The following IFT81 variants were observed in gnomAD, a reference collection of about 807,000 sequenced individuals.
IFT81 encodes the protein intraflagellar transport 81.
In IFT81, 72 loss-of-function variants were observed where a neutral mutation model predicts 102.6. The observed-to-expected ratio is 0.70, with a 90% CI of 0.58 to 0.85. The LOEUF (loss-of-function observed/expected upper bound fraction) is 0.85. Ranked by LOEUF, IFT81 falls within the 40% of genes least tolerant of loss-of-function variation. IFT81 has a pLI of 0.00. For missense variants in IFT81, 723 were observed against 787.3 expected, an observed-to-expected ratio of 0.92 and a Z score of 0.98; for synonymous variants, 237 against 242.7, an observed-to-expected ratio of 0.98 and a Z score of 0.22.
At chr12:110,127,977 C>T (rs1893944007) in intron 2 of IFT81, 69 bp from the exon 3 acceptor site, 2 of 1,077,236 alleles carry the variant, frequency 1.9e-6, no homozygotes, top group African/African-American at 1.6e-5. Flanking sequence ...ACAATTTTGT[C>T]AGTGAGTTTA....
intron 11 of IFT81, among the ~76,000 whole-genome samples, chr12:110,163,605 A>T (rs1566133622): frequency 6.7e-6 from 1 of 149,288 alleles, no homozygotes; most frequent in Non-Finnish European, 1.5e-5. Flanking sequence ...ATTATGTTCC[A>T]AATTTTCACT....
At chr12:110,178,840 C>G (rs912849784) in intron 11 of IFT81, among the ~76,000 whole-genome samples, 1 of 146,932 alleles carries the variant, frequency 6.8e-6, no homozygotes, top group African/African-American at 2.5e-5. Context: ...TGGTTTGGAA[C>G]TCCTAACCTC....
chr12:110,166,195 G>A (rs1313168214), intron 11 of IFT81, among the ~76,000 whole-genome samples: 1 of 152,216 alleles, frequency 6.6e-6, no homozygotes, highest in Non-Finnish European at 1.5e-5. Flanking sequence ...CTTAGTATTT[G>A]TATATTTTTG....
chr12:110,204,314 C>T, intron 15 of IFT81: 1 of 172,464 alleles, frequency 5.8e-6, no homozygotes, highest in Non-Finnish European at 1.3e-5. Context: ...TGCTGCCTGG[C>T]CTCCCACAGT....
chr12:110,152,263 T>C (rs1481499020), intron 10 of IFT81, among the ~76,000 whole-genome samples: 1 of 152,224 alleles, frequency 6.6e-6, no homozygotes. Flanking sequence ...TAATTTACAT[T>C]CCCATCCACA....
At chr12:110,134,061 C>T (rs1894338858) in intron 5 of IFT81, among the ~76,000 whole-genome samples, 1 of 151,940 alleles carries the variant, frequency 6.6e-6, no homozygotes, top group Non-Finnish European at 1.5e-5. Context: ...AGTGCAATGG[C>T]GCAATCTTGG....
At chr12:110,136,998 A>G (rs1894551178) in intron 8 of IFT81, 138 bp downstream of exon 8, 7 of 540,742 alleles carry the variant, frequency 1.3e-5, no homozygotes, top group African/African-American at 5.8e-5. Context: ...TCCTAGCTGG[A>G]GAAGGAGAGC....
intron 11 of IFT81, chr12:110,168,381 G>C: frequency 1.3e-5 from 3 of 231,508 alleles, no homozygotes; most frequent in Non-Finnish European, 2.1e-5. Flanking sequence ...TGGTAGATAG[G>C]GGCACTGTGC....
At chr12:110,174,176 G>T (rs1018905662) in intron 11 of IFT81, among the ~76,000 whole-genome samples, 1 of 150,856 alleles carries the variant, frequency 6.6e-6, no homozygotes, top group Admixed American at 6.6e-5. Flanking sequence ...TACTCGGGAG[G>T]CTGAGGCAGG....
intron 2 of IFT81, 134 bp downstream of exon 2, chr12:110,127,658 G>C (rs367803532): frequency 1.3e-5 from 10 of 773,012 alleles, no homozygotes; most frequent in South Asian, 1.1e-4. Flanking sequence ...AGTAAATAAT[G>C]CATAACATTT....
Position 110,167,072 on chromosome 12 carries a change from C to A in IFT81, c.1188+4007C>A, listed in dbSNP as rs1279232456. Among the ~76,000 whole-genome samples the A allele has an allele frequency of 2.0e-5, 3 of 152,162 alleles. No individual in the cohort carries two copies. The East Asian group carries it at 5.8e-4, about 29-fold the overall frequency. Reference sequence around the variant, plus strand: ...GAAGTATACATTTTGATGCTTCCTACTGCCATTAAAGTTAATGTTCCAGAT... The same window carrying A: ...GAAGTATACATTTTGATGCTTCCTAATGCCATTAAAGTTAATGTTCCAGAT... On this transcript the variant is annotated intron_variant, in intron 11 of 18. Coordinates refer to ENST00000242591, the MANE Select transcript of IFT81 (RefSeq NM_014055.4).
intron 11 of IFT81, among the ~76,000 whole-genome samples, chr12:110,164,624 T>C (rs1035683360): frequency 6.6e-6 from 1 of 152,204 alleles, no homozygotes; most frequent in Non-Finnish European, 1.5e-5. Flanking sequence ...GTACCACTTT[T>C]CTCTGTGGTA....
chr12:110,175,989 C>G (rs972912388), intron 11 of IFT81, among the ~76,000 whole-genome samples: 2 of 152,086 alleles, frequency 1.3e-5, no homozygotes, highest in Non-Finnish European at 2.9e-5. Context: ...CTTCTTTACA[C>G]ACCAATCCTG....
At chr12:110,161,350 G>A (rs1258872355) in intron 10 of IFT81, among the ~76,000 whole-genome samples, 1 of 151,868 alleles carries the variant, frequency 6.6e-6, no homozygotes, top group East Asian at 1.9e-4. Context: ...GTTTTACCAT[G>A]TTGACCAGGC....
intron 4 of IFT81, among the ~76,000 whole-genome samples, chr12:110,129,519 T>C (rs1358878071): frequency 6.6e-6 from 1 of 151,980 alleles, no homozygotes; most frequent in Non-Finnish European, 1.5e-5. Flanking sequence ...CCAAGACAAA[T>C]GGTTTAAATT....
At chr12:110,139,490 C>T (rs976516997) in intron 8 of IFT81, among the ~76,000 whole-genome samples, 3 of 151,682 alleles carry the variant, frequency 2.0e-5, no homozygotes, top group African/African-American at 4.8e-5. Flanking sequence ...GCCTGGGCAA[C>T]ATAGCAAGAA....
At chr12:110,169,084 T>TCC (rs1896611588) in intron 11 of IFT81, 1 of 121,146 alleles carries the variant, frequency 8.3e-6, no homozygotes, top group Non-Finnish European at 1.8e-5. Flanking sequence ...TTCCTTCCTC[T>TCC]CTCTCTCTCT....
intron 10 of IFT81, among the ~76,000 whole-genome samples, chr12:110,153,934 AGT>A (rs1415731135): frequency 6.6e-6 from 1 of 151,140 alleles, no homozygotes; most frequent in Non-Finnish European, 1.5e-5. Flanking sequence ...CGTTAATTTA[AGT>A]GTTGGGTGGA....
At chr12:110,132,472 A>AAAAG (rs1049029109) in intron 4 of IFT81, 75 bp from the exon 5 acceptor site, 159 of 666,678 alleles carry the variant, frequency 2.4e-4, no homozygotes, top group African/African-American at 1.7e-3. Context: ...AAAAAAAAAA[A>AAAAG]AAAGAAAGAA....
Sources: allele counts gnomAD v4.1 joint callset (sites outside exome capture counted in the v4.1 genomes callset), GRCh38; gene constraint gnomAD v4.1.1; transcripts MANE v1.5; gene names NCBI Gene and HGNC (gene_info 2026-07-23, HGNC 2026-07-21).